Variants in SLCO1B3 observed in about 807,000 individuals in gnomAD.
The protein encoded by SLCO1B3 is solute carrier organic anion transporter family member 1B3, also known as liver-specific organic anion transporter 2.
In SLCO1B3, 72 loss-of-function variants were observed where a neutral mutation model predicts 71.8. The observed-to-expected ratio is 1.00, with a 90% confidence interval of 0.83 to 1.22. SLCO1B3 has a LOEUF of 1.22. Ranked by LOEUF, SLCO1B3 falls within the 50% of genes most tolerant of loss-of-function variation. The probability of loss-of-function intolerance (pLI) is 0.00; values close to 1 mark genes in which losing one functional copy is unlikely to be tolerated. For missense variants in SLCO1B3, 911 were observed against 819.7 expected (o/e 1.11, Z -1.36); for synonymous variants, 298 against 278.4 (o/e 1.07, Z -0.70).
At chr12:20,908,093 A>C (rs1866291827) in intron 15 of SLCO1B3, among the ~76,000 whole-genome samples, 1 of 152,228 alleles carries the variant, frequency 6.6e-6, no homozygotes, top group Admixed American at 6.5e-5. Context: ...GTAAAGGTTT[A>C]GGTAAAAGTA....
intron 3 of SLCO1B3, among the ~76,000 whole-genome samples, chr12:20,850,032 C>G (rs1402818565): frequency 7.5e-6 from 1 of 134,186 alleles, no homozygotes; most frequent in Non-Finnish European, 1.6e-5. Context: ...TCCCAACAGC[C>G]TTTTTTTTTT....
rs373116023 is a variant in SLCO1B3, at chr12:20,910,276, T to C, written c.1866-5728T>C. Reference sequence around the variant, plus strand: ...TCCATTGACTGTATTTAAGTGGGTCTATTTCTGGGCTATTTATTCTTTCCA... The same window carrying C: ...TCCATTGACTGTATTTAAGTGGGTCCATTTCTGGGCTATTTATTCTTTCCA... On this transcript the variant is annotated intron_variant, in intron 15 of 15. Transcript: ENST00000381545. 4.6e-5 allele frequency among the ~76,000 whole-genome samples: 7 copies of C among 152,200 alleles called. No homozygotes were observed. In the East Asian group the frequency reaches 9.6e-4, roughly 21 times the overall value.
intron 15 of SLCO1B3, among the ~76,000 whole-genome samples, chr12:20,906,826 G>A (rs567742275): frequency 1.5e-4 from 23 of 152,178 alleles, no homozygotes; most frequent in Non-Finnish European, 3.1e-4. Flanking sequence ...CACCCAGATT[G>A]TCAACAATCA....
intron 13 of SLCO1B3, among the ~76,000 whole-genome samples, chr12:20,895,386 G>T (rs1489070793): frequency 5.9e-5 from 9 of 152,164 alleles, no homozygotes; most frequent in Admixed American, 5.9e-4. Flanking sequence ...TACAATGGGG[G>T]TACAGGCATT....
intron 3 of SLCO1B3, among the ~76,000 whole-genome samples, chr12:20,849,038 A>G (rs541055832): frequency 6.6e-6 from 1 of 152,242 alleles, no homozygotes; most frequent in Non-Finnish European, 1.5e-5. Context: ...GGTAAACATA[A>G]TAGTAGGGGA....
chr12:20,901,969 G>A (rs1434851567), intron 15 of SLCO1B3: 1 of 410,686 alleles, frequency 2.4e-6, no homozygotes, highest in Non-Finnish European at 4.7e-6. Context: ...TGCTGCAATT[G>A]TACCTTACCT....
At chr12:20,872,197 C>A (rs1027248407) in intron 8 of SLCO1B3, among the ~76,000 whole-genome samples, 8 of 151,906 alleles carry the variant, frequency 5.3e-5, no homozygotes, top group African/African-American at 1.9e-4. Flanking sequence ...TTCTGCCAGG[C>A]CACCACCCAT....
At chr12:20,829,726 T>C (rs990454405) in intron 3 of SLCO1B3, among the ~76,000 whole-genome samples, 2 of 152,160 alleles carry the variant, frequency 1.3e-5, no homozygotes, top group Non-Finnish European at 2.9e-5. Context: ...AGCTATTCCA[T>C]AGAGAGAGCA....
At chr12:20,877,078 G>T (rs1319687437) in intron 9 of SLCO1B3, among the ~76,000 whole-genome samples, 2 of 152,074 alleles carry the variant, frequency 1.3e-5, no homozygotes. Context: ...CAATCCACCT[G>T]CCTTGGCCTC....
chr12:20,887,091 T>G (rs1164495106), intron 13 of SLCO1B3, among the ~76,000 whole-genome samples: 2 of 152,116 alleles, frequency 1.3e-5, no homozygotes, highest in African/African-American at 4.8e-5. Flanking sequence ...TGTATACATA[T>G]ATACAAAATT....
chr12:20,859,659 T>C (rs1051799828), intron 5 of SLCO1B3, among the ~76,000 whole-genome samples: 1 of 152,132 alleles, frequency 6.6e-6, no homozygotes, highest in Non-Finnish European at 1.5e-5. Flanking sequence ...TTCCCTCTAA[T>C]CTTCTTAATA....
intron 5 of SLCO1B3, among the ~76,000 whole-genome samples, chr12:20,860,334 T>C (rs1865235180): frequency 1.3e-5 from 2 of 152,160 alleles, no homozygotes; most frequent in South Asian, 4.1e-4. Flanking sequence ...ATCATACACA[T>C]TTATCTTAGA....
intron 3 of SLCO1B3, among the ~76,000 whole-genome samples, chr12:20,834,369 CTATATA>C (rs35103050): frequency 2.1e-5 from 3 of 140,144 alleles, no homozygotes; most frequent in East Asian, 2.1e-4. Flanking sequence ...TACGTGGAGA[CTATATA>C]TATATATAAT....
chr12:20,818,253 G>C (rs1469624982), intron 3 of SLCO1B3, among the ~76,000 whole-genome samples: 3 of 152,110 alleles, frequency 2.0e-5, no homozygotes, highest in Non-Finnish European at 4.4e-5. Flanking sequence ...AGCTTGGTGA[G>C]GTGTGTTTTT....
intron 6 of SLCO1B3, 23 bp from the exon 7 acceptor site, chr12:20,862,389 A>C (rs1865283752): frequency 2.5e-6 from 4 of 1,581,134 alleles, no homozygotes. Flanking sequence ...TGTTTAAAGT[A>C]AAACACTCTC....
intron 3 of SLCO1B3, among the ~76,000 whole-genome samples, chr12:20,845,539 A>G (rs754326634): frequency 1.2e-4 from 18 of 152,196 alleles, no homozygotes; most frequent in Admixed American, 1.1e-3. Flanking sequence ...TTAAATGTTT[A>G]CAAGGACCTC....
intron 3 of SLCO1B3, among the ~76,000 whole-genome samples, chr12:20,819,708 G>C (rs984933253): frequency 6.6e-6 from 1 of 152,152 alleles, no homozygotes; most frequent in Non-Finnish European, 1.5e-5. Flanking sequence ...TGTAGCAGGC[G>C]AGTGATAACA....
At chr12:20,895,341 T>C (rs1865983931) in intron 13 of SLCO1B3, among the ~76,000 whole-genome samples, 1 of 152,128 alleles carries the variant, frequency 6.6e-6, no homozygotes, top group Admixed American at 6.6e-5. Context: ...ACCTATGCAC[T>C]TGTAAAAACA....
intron 3 of SLCO1B3, among the ~76,000 whole-genome samples, chr12:20,824,328 C>T (rs1324324932): frequency 1.3e-5 from 2 of 152,170 alleles, no homozygotes; most frequent in East Asian, 3.9e-4. Flanking sequence ...ATTGGATCAG[C>T]AAGACTTATT....
Sources: gnomAD v4.1 joint callset for allele counts (sites outside exome capture counted in the v4.1 genomes callset) on GRCh38, gnomAD v4.1.1 for gene constraint, MANE v1.5 for transcripts, NCBI Gene and HGNC (gene_info 2026-07-23, HGNC 2026-07-21) for gene names.